Variants in CREB5 observed in about 807,000 individuals in gnomAD.
CREB5 encodes cyclic AMP-responsive element-binding protein 5.
In CREB5, 19 loss-of-function variants were observed where a neutral mutation model predicts 57.1. The observed-to-expected ratio is 0.33, with a 90% CI of 0.23 to 0.49. The LOEUF (loss-of-function observed/expected upper bound fraction) is 0.49, where lower values mean the gene tolerates loss of function less well. Among genes scored for constraint, CREB5 ranks in the 20% least tolerant of loss-of-function variants. CREB5 has a pLI of 0.99. For synonymous variants in CREB5, 238 were observed against 238.3 expected (o/e 1.00, Z 0.01); for missense variants, 579 against 671.6 (o/e 0.86, Z 1.52).
intron 1 of CREB5, among the ~76,000 whole-genome samples, chr7:28,452,631 G>C (rs1789878361): frequency 6.6e-6 from 1 of 152,188 alleles, no homozygotes; most frequent in African/African-American, 2.4e-5. Flanking sequence ...ACCTGCAGGA[G>C]CAGGGGAGGG....
chr7:28,407,438 C>G (rs368413026), intron 1 of CREB5, among the ~76,000 whole-genome samples: 3 of 152,156 alleles, frequency 2.0e-5, no homozygotes, highest in African/African-American at 7.2e-5. Flanking sequence ...GTTGAGGCAA[C>G]TGAGAACCAG....
intron 1 of CREB5, among the ~76,000 whole-genome samples, chr7:28,363,761 A>G (rs1786533584): frequency 6.6e-6 from 1 of 152,154 alleles, no homozygotes. Context: ...TTGGCTTCCC[A>G]TTACCTAGCT....
intron 1 of CREB5, among the ~76,000 whole-genome samples, chr7:28,433,285 C>T (rs1378024377): frequency 6.6e-6 from 1 of 152,158 alleles, no homozygotes; most frequent in Admixed American, 6.6e-5. Context: ...GCCTATCACA[C>T]CTGATTTTCA....
intron 5 of CREB5, among the ~76,000 whole-genome samples, chr7:28,592,344 C>A (rs568549533): frequency 6.6e-6 from 1 of 152,290 alleles, no homozygotes; most frequent in Admixed American, 6.5e-5. Flanking sequence ...TTGCAAAGAA[C>A]TTTGAGGGAA....
At chr7:28,409,972 G>A (rs1392874640), upstream of CREB5, 1 of 454,796 alleles carries the variant, frequency 2.2e-6, no homozygotes, top group Admixed American at 2.4e-5. The surrounding 1 kb of genome is among the most constrained non-coding windows in gnomAD (Gnocchi z 4.4). Context: ...ACCTCCCCCC[G>A]CGTCCCCAGC....
chr7:28,561,589 G>A (rs1478070408), intron 4 of CREB5, among the ~76,000 whole-genome samples: 1 of 152,196 alleles, frequency 6.6e-6, no homozygotes, highest in Non-Finnish European at 1.5e-5. Flanking sequence ...CTGAAGTACA[G>A]AGAAGCTATA....
chr7:28,357,290 T>G (rs957767996), intron 1 of CREB5, among the ~76,000 whole-genome samples: 5 of 152,220 alleles, frequency 3.3e-5, no homozygotes, highest in African/African-American at 1.2e-4. Flanking sequence ...GGGAATAACT[T>G]TCAATGTCCA....
chr7:28,579,871 G>A (rs997563354), intron 5 of CREB5, among the ~76,000 whole-genome samples: 4 of 152,186 alleles, frequency 2.6e-5, no homozygotes, highest in African/African-American at 4.8e-5. Context: ...ATCTATAGGG[G>A]CAGGAGGCTA....
At chr7:28,708,287 C>T (rs2128741887) in intron 5 of CREB5, among the ~76,000 whole-genome samples, 1 of 152,182 alleles carries the variant, frequency 6.6e-6, no homozygotes, top group East Asian at 1.9e-4. Flanking sequence ...GTTGCATAGT[C>T]CATGCATGTA....
intron 1 of CREB5, among the ~76,000 whole-genome samples, chr7:28,484,092 A>G (rs1035315275): frequency 6.6e-6 from 1 of 152,184 alleles, no homozygotes; most frequent in African/African-American, 2.4e-5. Flanking sequence ...GGCAGTTGCC[A>G]AGCAAAACTT....
intron 1 of CREB5, among the ~76,000 whole-genome samples, chr7:28,426,608 T>C (rs971966600): frequency 6.6e-5 from 10 of 152,218 alleles, no homozygotes; most frequent in Non-Finnish European, 1.5e-4. Context: ...CTGCATTCAC[T>C]TCCTGCCTGT....
rs548208912 is a variant in CREB5, at chr7:28,685,665, C to CTTTT, written c.465-33073_465-33070dup. Among the ~76,000 whole-genome samples, 86 of 130,936 alleles carry CTTTT rather than the reference C, an allele frequency of 6.6e-4. 1 individual carries two copies. Among genetic ancestry groups the CTTTT allele is most frequent in the Middle Eastern group, 8.2e-3 (2 of 244 alleles). The allele number at this position is 130,936 out of a possible 152,430, so 85.9% of individuals were successfully genotyped here. ...TCCCTTTCTCCAAACACAGGGCACT[C>CTTTT]TTTTTTTTTTTTTTTTTTAACCAGT... On this transcript the variant is annotated intron_variant, in intron 5 of 10. Transcript: ENST00000357727.
intron 1 of CREB5, among the ~76,000 whole-genome samples, chr7:28,342,368 A>G (rs912968704): frequency 6.6e-6 from 1 of 152,212 alleles, no homozygotes; most frequent in African/African-American, 2.4e-5. Context: ...CTAAGAAAAT[A>G]ACCATACAAG....
intron 5 of CREB5, among the ~76,000 whole-genome samples, chr7:28,607,770 TG>T (rs1797201918): frequency 6.7e-6 from 1 of 150,042 alleles, no homozygotes; most frequent in Non-Finnish European, 1.5e-5. Flanking sequence ...TGTGTGTGTG[TG>T]TGTGTGTGTG....
intron 4 of CREB5, among the ~76,000 whole-genome samples, chr7:28,565,561 A>G (rs1410877303): frequency 1.3e-5 from 2 of 152,238 alleles, no homozygotes; most frequent in Non-Finnish European, 2.9e-5. Flanking sequence ...AGCATCTACC[A>G]TCGTGCCTGC....
chr7:28,703,644 G>A (rs1801970824), intron 5 of CREB5, among the ~76,000 whole-genome samples: 1 of 152,120 alleles, frequency 6.6e-6, no homozygotes, highest in Admixed American at 6.6e-5. Context: ...ACTAAGGTCA[G>A]GAGAAGACAG....
chr7:28,634,465 A>G (rs1041938922), intron 5 of CREB5, among the ~76,000 whole-genome samples: 2 of 152,188 alleles, frequency 1.3e-5, no homozygotes, highest in Admixed American at 6.5e-5. Flanking sequence ...TTAAAAAATT[A>G]TGATGAGCTG....
intron 1 of CREB5, among the ~76,000 whole-genome samples, chr7:28,313,225 T>G (rs1178798652): frequency 6.6e-6 from 1 of 152,182 alleles, no homozygotes; most frequent in East Asian, 1.9e-4. Flanking sequence ...CTTGAATACC[T>G]CTAGTGTCAG....
intron 1 of CREB5, among the ~76,000 whole-genome samples, chr7:28,457,729 C>G (rs560558213): frequency 6.6e-6 from 1 of 152,080 alleles, no homozygotes; most frequent in Non-Finnish European, 1.5e-5. Context: ...GATATGATCT[C>G]GTCAGTTGCT....
Sources: allele counts gnomAD v4.1 joint callset (sites outside exome capture counted in the v4.1 genomes callset), GRCh38; gene constraint gnomAD v4.1.1; non-coding constraint Gnocchi (gnomAD v3.1); transcripts MANE v1.5; gene names NCBI Gene and HGNC (gene_info 2026-07-23, HGNC 2026-07-21).